Variants in PLEKHG6 observed in about 807,000 individuals in gnomAD.
PLEKHG6 encodes the protein pleckstrin homology and RhoGEF domain containing G6, also known as pleckstrin homology domain-containing family G member 6.
Under a neutral mutation model 97.5 loss-of-function variants are expected in PLEKHG6, and 91 were observed. That is an observed-to-expected ratio of 0.93 (90% confidence interval 0.79 to 1.11). The LOEUF (loss-of-function observed/expected upper bound fraction) is 1.11, where lower values mean the gene tolerates loss of function less well. Ranked by LOEUF, PLEKHG6 falls within the 50% of genes most tolerant of loss-of-function variation. The pLI, the probability that PLEKHG6 is intolerant of heterozygous loss-of-function variation, is 0.00. For missense variants in PLEKHG6, 1,044 were observed against 1,031.0 expected, an observed-to-expected ratio of 1.01 and a Z score of -0.17; for synonymous variants, 466 against 425.5, an observed-to-expected ratio of 1.10 and a Z score of -1.17.
chr12:6,312,217 G>A lies in PLEKHG6; in HGVS notation c.-10G>A. On this transcript the variant is annotated 5_prime_UTR_variant, in exon 2 of 16. Coordinates refer to ENST00000684764, the MANE Select transcript of PLEKHG6 (RefSeq NM_001384598.1). ...ATATGGCCCTTTGGAGGTGACCCAGGAGAGAAGGGATGAAGGCCTTTGGTC... is the reference window on the plus strand; with the variant it reads ...ATATGGCCCTTTGGAGGTGACCCAGAAGAGAAGGGATGAAGGCCTTTGGTC... The A allele has an allele frequency of 6.7e-7, 1 of 1,490,376 alleles. No homozygotes were observed. Among genetic ancestry groups the A allele is most frequent in the Non-Finnish European group, 8.9e-7 (1 of 1,125,680 alleles). 92.3% of individuals were successfully genotyped at this position (1,490,376 alleles called of 1,614,324 possible).
In PLEKHG6 at chr12:6,327,714, T is replaced by G; in HGVS notation, c.2131T>G (p.Ser711Ala). Residue 711 changes from serine (S) to alanine (A), a missense_variant, in exon 15 of 16, where the codon TCC becomes GCC. By Grantham distance (99) the Ser-to-Ala change is moderately conservative (BLOSUM62 1). Transcript: ENST00000684764. Reference sequence around the variant, plus strand: ...CTCTGCCGGGGAAAGCCCCTGGGAGTCCTCAGGGGAGGAGGAAGAAGAGGG... The same window carrying G: ...CTCTGCCGGGGAAAGCCCCTGGGAGGCCTCAGGGGAGGAGGAAGAAGAGGG... Reference protein sequence around the residue: ...ADSAGESPWESSGEEEEEGPL... With the variant: ...ADSAGESPWEASGEEEEEGPL... 1 of 1,555,908 alleles carries G rather than the reference T, an allele frequency of 6.4e-7. No individual in the cohort carries two copies. The highest frequency in any genetic ancestry group is 8.7e-7 in the Non-Finnish European group (1 of 1,152,992).
chr12:6,312,831 C>T, intron 2 of PLEKHG6: 1 of 1,258,282 alleles, frequency 7.9e-7, no homozygotes, highest in South Asian at 2.1e-5. Context: ...CCCCTGGCTC[C>T]ACCTGCCTGG....
In PLEKHG6 at chr12:6,315,045, C is replaced by T; in HGVS notation, c.335C>T (p.Thr112Ile). ...CATGAGCTGGAGGTGAGGCTGCACA[C>T]TTTCAGCATGTTTGGGATGCCCCGG... is the stretch of plus-strand genomic sequence containing the variant. ...KAHELEVRLH[T>I]FSMFGMPRLP... Residue 112 changes from threonine to isoleucine, a missense_variant, in exon 4 of 16, where the codon ACT (threonine) becomes ATT (isoleucine). Transcript: ENST00000684764. This position sits in a 1 kb window ranked among gnomAD's most constrained non-coding sequence, Gnocchi z 4.5. The T allele has an allele frequency of 2.5e-6, 4 of 1,613,988 alleles. No homozygotes were observed. The highest frequency in any genetic ancestry group is 3.4e-6 in the Non-Finnish European group (4 of 1,180,032).
Position 6,319,045 on chromosome 12 carries a change from C to T in PLEKHG6, c.1461C>T (p.Leu487=). 1.2e-6 allele frequency: 2 copies of T among 1,614,042 alleles called. No homozygotes were observed. The highest frequency in any genetic ancestry group is 1.7e-6 in the Non-Finnish European group (2 of 1,179,956). ...LTEFQCVSSA[L]LVHCPSPTDR... Reference sequence around the variant, plus strand: ...AATTCCAGTGTGTCTCCAGCGCCCTCCTTGTGCACTGTCCCAGTCCTACAG... The same window carrying T: ...AATTCCAGTGTGTCTCCAGCGCCCTTCTTGTGCACTGTCCCAGTCCTACAG... Residue 487 remains leucine (L), a synonymous_variant, in exon 13 of 16, where the codon CTC becomes CTT. Coordinates refer to ENST00000684764, the MANE Select transcript of PLEKHG6 (RefSeq NM_001384598.1).
In PLEKHG6 at chr12:6,318,853, G is replaced by A. The variant is rs145462189; in HGVS notation, c.1384G>A (p.Val462Met). The A allele has an allele frequency of 4.7e-5, 76 of 1,614,118 alleles. No homozygotes were observed. Among genetic ancestry groups the A allele is most frequent in the South Asian group, 5.5e-5 (5 of 91,088 alleles). ...IRPPLMLEKL[V>M]CQPLRDPNSF... ...ACCCCCTCTCATGCTGGAGAAGCTCGTGTGCCAACCCCTGCGAGACCCCAG... is the reference window on the plus strand; with the variant it reads ...ACCCCCTCTCATGCTGGAGAAGCTCATGTGCCAACCCCTGCGAGACCCCAG... Residue 462 changes from valine to methionine, a missense_variant, in exon 12 of 16, where the codon GTG (valine) becomes ATG (methionine). By Grantham distance (21) the Val-to-Met change is conservative (BLOSUM62 1). Coordinates refer to ENST00000684764, the MANE Select transcript of PLEKHG6 (RefSeq NM_001384598.1).
In PLEKHG6 at chr12:6,327,132, G is replaced by A. The variant is rs183582299; in HGVS notation, c.1671-122G>A. ...CAGATGAGAAAAACAATCACAGTGC[G>A]ATGGAAAGATGATACCAAAATAAGT... is the stretch of plus-strand genomic sequence containing the variant. On this transcript the variant is annotated intron_variant, in intron 14 of 15. Transcript: ENST00000684764. 70 of 658,920 alleles carry A rather than the reference G, an allele frequency of 1.1e-4. No individual in the cohort carries two copies. In the East Asian group the frequency reaches 1.6e-3, roughly 15 times the overall value. 40.8% of individuals were successfully genotyped at this position (658,920 alleles called of 1,614,324 possible).
rs759814392 is a variant in PLEKHG6 at position 6,315,541 on chromosome 12, C to G, written c.460-13C>G. On this transcript the variant is annotated splice_polypyrimidine_tract_variant and intron_variant, in intron 4 of 15. Transcript: ENST00000684764. This position sits in a 1 kb window ranked among gnomAD's most constrained non-coding sequence, Gnocchi z 4.5. ...ATCATTCCCCAACTGAACCAGCATT[C>G]TCCCCACCCCAGGAGATGAGCCAGG... is the stretch of plus-strand genomic sequence containing the variant. 6 of 1,502,244 alleles carry G rather than the reference C, an allele frequency of 4.0e-6. No homozygotes were observed. In the East Asian group the frequency reaches 1.1e-4, roughly 29 times the overall value. 93.1% of individuals were successfully genotyped at this position (1,502,244 alleles called of 1,614,324 possible).
Position 6,312,263 on chromosome 12 carries a change from CA to C in PLEKHG6, c.39del (p.Gly14AspfsTer59), listed in dbSNP as rs1430033974. ...AFGPPHEGPL[Q>X]GLVASRIETY... ...TGGTCCTCCACATGAGGGCCCCCTC[CA>C]AGGACTCGTGGCCTCCCGCATTGAG... On this transcript the variant is annotated frameshift_variant, in exon 2 of 16. Coordinates refer to ENST00000684764, the MANE Select transcript of PLEKHG6 (RefSeq NM_001384598.1). LOFTEE classifies it high-confidence loss of function. 1.3e-6 allele frequency: 2 copies of C among 1,543,132 alleles called. No homozygotes were observed. The highest frequency in any genetic ancestry group is 1.7e-6 in the Non-Finnish European group (2 of 1,151,926).
intron 1 of PLEKHG6, among the ~76,000 whole-genome samples, chr12:6,311,835 G>A (rs1027741557): frequency 4.6e-5 from 7 of 152,084 alleles, no homozygotes; most frequent in African/African-American, 1.7e-4. Context: ...CTCCCACCTG[G>A]GTGTATCCAG....
chr12:6,317,188 G>A, intron 7 of PLEKHG6, 115 bp from the exon 8 acceptor site: 1 of 674,916 alleles, frequency 1.5e-6, no homozygotes. Context: ...GTCAGGAGCT[G>A]GGCTAAGGGC....
At position 6,317,249 on chromosome 12, in the gene PLEKHG6, AT is replaced by A; in HGVS notation, c.757-52del. 4 of 1,159,720 alleles carry A rather than the reference AT, an allele frequency of 3.4e-6. No homozygotes were observed. In the South Asian group the frequency reaches 4.9e-5, roughly 14 times the overall value. The allele number at this position is 1,159,720 out of a possible 1,614,324, so 71.8% of individuals were successfully genotyped here. On this transcript the variant is annotated intron_variant, in intron 7 of 15. Transcript: ENST00000684764. ...CCTGGGTCCTGCAGCTAGAGCCTGT[AT>A]TCATGGCCTTCTCCCCATGCCTGCT...
At chr12:6,321,566 C>T (rs1414262418) in intron 13 of PLEKHG6, among the ~76,000 whole-genome samples, 3 of 151,334 alleles carry the variant, frequency 2.0e-5, no homozygotes, top group Non-Finnish European at 4.4e-5. Context: ...AGGCCGGGCG[C>T]GGTGGCTCAC....
In PLEKHG6 at chr12:6,317,865, C is replaced by T. The variant is rs148707090; in HGVS notation, c.1026C>T (p.Ala342=). 1.1e-5 allele frequency: 17 copies of T among 1,553,412 alleles called. No individual in the cohort carries two copies. Among genetic ancestry groups the T allele is most frequent in the African/African-American group, 6.8e-5 (5 of 73,256 alleles). ...CCCCCAACCCCACCTAGATTGAAGC[C>T]GTGGAGTCATTCCTGCGACACATCA... ...AQEALNAMIE[A]VESFLRHING... The change falls in exon 10 of 16, where the codon GCC becomes GCT. Residue 342 remains alanine (A), a synonymous_variant. Coordinates refer to ENST00000684764, the MANE Select transcript of PLEKHG6 (RefSeq NM_001384598.1).
Position 6,318,375 on chromosome 12 carries a change from G to A in PLEKHG6, c.1230G>A (p.Leu410=). The A allele has an allele frequency of 6.2e-7, 1 of 1,613,056 alleles. No homozygotes were observed. The highest frequency in any genetic ancestry group is 8.5e-7 in the Non-Finnish European group (1 of 1,179,610). ...TTGCATCTGAGCACACCAGACAGCT[G>A]CTGCTGGAGGGGCCTGTGCGAGTGA... ...LGVASEHTRQ[L]LLEGPVRVKE... The change falls in exon 11 of 16, where the codon CTG becomes CTA. Residue 410 remains leucine, a synonymous_variant. Coordinates refer to ENST00000684764, the MANE Select transcript of PLEKHG6 (RefSeq NM_001384598.1).
intron 3 of PLEKHG6, 26 bp downstream of exon 3, chr12:6,313,810 C>T (rs747022824): frequency 1.3e-6 from 2 of 1,533,530 alleles, no homozygotes; most frequent in African/African-American, 2.8e-5. Context: ...TCCTCCCATC[C>T]CCACACATAC....
intron 14 of PLEKHG6, 40 bp from the exon 15 acceptor site, chr12:6,327,214 C>T: frequency 7.5e-7 from 1 of 1,326,184 alleles, no homozygotes; most frequent in Non-Finnish European, 1.0e-6. Flanking sequence ...TGGACTTGAA[C>T]TTGACCCCTA....
At chr12:6,313,565 C>G in intron 2 of PLEKHG6, 64 bp from the exon 3 acceptor site, 1 of 1,581,770 alleles carries the variant, frequency 6.3e-7, no homozygotes, top group South Asian at 1.1e-5. Flanking sequence ...TGCCCCCCTA[C>G]TACCTCTCTG....
chr12:6,315,050 A>C lies in PLEKHG6; in HGVS notation c.340A>C (p.Ser114Arg). ...HELEVRLHTF[S>R]MFGMPRLPPE... is the part of the protein sequence containing the mutation. ...GCTGGAGGTGAGGCTGCACACTTTC[A>C]GCATGTTTGGGATGCCCCGGCTGCC... The change falls in exon 4 of 16, where the codon AGC (serine) becomes CGC (arginine). Residue 114 changes from serine (S) to arginine (R), a missense_variant. By Grantham distance (110) the Ser-to-Arg change is moderately radical (BLOSUM62 -1). Coordinates refer to ENST00000684764, the MANE Select transcript of PLEKHG6 (RefSeq NM_001384598.1). The surrounding 1 kb of genome is among the most constrained non-coding windows in gnomAD (Gnocchi z 4.5). 6.2e-7 allele frequency: 1 copy of C among 1,613,930 alleles called. No individual in the cohort carries two copies. Among genetic ancestry groups the C allele is most frequent in the Non-Finnish European group, 8.5e-7 (1 of 1,180,034 alleles).
Position 6,318,827 on chromosome 12 carries a change from G to A in PLEKHG6, c.1358G>A (p.Arg453Gln), listed in dbSNP as rs780113128. The A allele has an allele frequency of 1.6e-5, 26 of 1,614,044 alleles. No individual in the cohort carries two copies. Among genetic ancestry groups the A allele is most frequent in the East Asian group, 1.3e-4 (6 of 44,890 alleles). Reference sequence around the variant, plus strand: ...AAGGCGGACAAAGCCAAGGTCATCCGACCCCCTCTCATGCTGGAGAAGCTC... The same window carrying A: ...AAGGCGGACAAAGCCAAGGTCATCCAACCCCCTCTCATGCTGGAGAAGCTC... ...QRKADKAKVI[R>Q]PPLMLEKLVC... The change falls in exon 12 of 16, where the codon CGA becomes CAA. Residue 453 changes from arginine to glutamine, a missense_variant. Coordinates refer to ENST00000684764, the MANE Select transcript of PLEKHG6 (RefSeq NM_001384598.1).
Sources: gnomAD v4.1 joint callset for allele counts (sites outside exome capture counted in the v4.1 genomes callset) on GRCh38, gnomAD v4.1.1 for gene constraint, Gnocchi (gnomAD v3.1) non-coding constraint, MANE v1.5 for transcripts, NCBI Gene and HGNC (gene_info 2026-07-23, HGNC 2026-07-21) for gene names.